Variants in DCDC1 observed in about 807,000 individuals in gnomAD.
The protein encoded by DCDC1 is doublecortin domain containing 1.
DCDC1 carries 200 observed loss-of-function variants against 178.3 expected under a neutral mutation model. The observed-to-expected ratio is 1.12, with a 90% CI of 1.00 to 1.26. DCDC1 has a LOEUF of 1.26. DCDC1 is among the 50% of genes most tolerant of loss of function. The pLI is 0.00. For missense variants in DCDC1, 1,983 were observed against 1,749.2 expected (o/e 1.13, Z -2.38); for synonymous variants, 690 against 604.8 (o/e 1.14, Z -2.07).
intron 9 of DCDC1, among the ~76,000 whole-genome samples, chr11:31,142,838 C>CT (rs556879912): frequency 6.0e-5 from 9 of 150,760 alleles, no homozygotes; most frequent in South Asian, 2.1e-4. Context: ...AATAAATGGT[C>CT]TTTTTTTTTG....
chr11:31,286,985 A>G (rs1202893996), intron 7 of DCDC1, among the ~76,000 whole-genome samples: 3 of 152,082 alleles, frequency 2.0e-5, no homozygotes, highest in Non-Finnish European at 4.4e-5. Flanking sequence ...GATTAACTCC[A>G]GAGAAAAGAC....
chr11:30,991,524 T>G (rs981601598), intron 20 of DCDC1, among the ~76,000 whole-genome samples: 7 of 152,102 alleles, frequency 4.6e-5, no homozygotes, highest in Admixed American at 1.3e-4. Context: ...CAGCTCAAAT[T>G]GGGAAACTTT....
intron 10 of DCDC1, among the ~76,000 whole-genome samples, chr11:31,127,844 C>T (rs1395033519): frequency 6.6e-6 from 1 of 152,110 alleles, no homozygotes; most frequent in Non-Finnish European, 1.5e-5. Context: ...AACATTTTCA[C>T]TTCAGTAATA....
At chr11:31,102,388 C>T in intron 14 of DCDC1, 106 bp from the exon 15 acceptor site, 1 of 466,982 alleles carries the variant, frequency 2.1e-6, no homozygotes, top group South Asian at 4.4e-5. Flanking sequence ...ATGTATACTC[C>T]ATTACTAATA....
chr11:31,321,700 CA>C (rs1162879158), intron 3 of DCDC1, among the ~76,000 whole-genome samples: 1 of 152,086 alleles, frequency 6.6e-6, no homozygotes, highest in East Asian at 1.9e-4. Context: ...ACCTTTTTAC[CA>C]ATTGTGTTCA....
At chr11:30,907,803 G>C (rs12785709) in intron 29 of DCDC1, among the ~76,000 whole-genome samples, 1 of 152,116 alleles carries the variant, frequency 6.6e-6, no homozygotes, top group Non-Finnish European at 1.5e-5. Flanking sequence ...AGCTCTAATC[G>C]CCGGCTCGCC....
At chr11:31,087,888 C>G (rs1385807433) in intron 17 of DCDC1, among the ~76,000 whole-genome samples, 1 of 151,978 alleles carries the variant, frequency 6.6e-6, no homozygotes, top group Non-Finnish European at 1.5e-5. Flanking sequence ...GATTTTTTCA[C>G]TTGTTCTGTT....
chr11:31,098,209 A>G (rs1003921333), intron 15 of DCDC1, among the ~76,000 whole-genome samples: 3 of 152,230 alleles, frequency 2.0e-5, no homozygotes, highest in Admixed American at 1.3e-4. Context: ...CTCATGAAAT[A>G]TCTCATTTGA....
intron 9 of DCDC1, among the ~76,000 whole-genome samples, chr11:31,159,824 C>A (rs1246509228): frequency 6.6e-6 from 1 of 152,148 alleles, no homozygotes; most frequent in Admixed American, 6.5e-5. Flanking sequence ...GTGGCATGAT[C>A]CTGTGTAAGA....
At chr11:31,260,592 C>G (rs1392836395) in intron 8 of DCDC1, among the ~76,000 whole-genome samples, 1 of 152,124 alleles carries the variant, frequency 6.6e-6, no homozygotes, top group Non-Finnish European at 1.5e-5. Flanking sequence ...ATTTCAGAAC[C>G]ACTAGGGTAA....
At position 31,133,520 on chromosome 11, in the gene DCDC1, G is replaced by C. The variant is rs913991911; in HGVS notation, c.1314+4172C>G. 1.3e-5 allele frequency among the ~76,000 whole-genome samples: 2 copies of C among 152,268 alleles called. 1 individual carries two copies. ...AATAATACAATGTTTTAAGCGGTAAGAAGGAAACAGAACCCTAATTTGTTG... is the reference window on the plus strand; with the variant it reads ...AATAATACAATGTTTTAAGCGGTAACAAGGAAACAGAACCCTAATTTGTTG... On this transcript the variant is annotated intron_variant, in intron 10 of 38. Coordinates refer to ENST00000684477, the MANE Select transcript of DCDC1 (RefSeq NM_001387274.1).
At position 31,103,760 on chromosome 11, in the gene DCDC1, T is replaced by C. The variant is rs184851892; in HGVS notation, c.1761A>G (p.Leu587=). The change falls in exon 14 of 39, where the codon CTA becomes CTG. Residue 587 remains leucine, a synonymous_variant. Coordinates refer to ENST00000684477, the MANE Select transcript of DCDC1 (RefSeq NM_001387274.1). ...VSYGRAYRSP[L]NLALGLTFDR... ...CAAAGGTCAAACCCAAAGCAAGATT[T>C]AGTGGAGATCTGAAAAACGGATAAA... The C allele has an allele frequency of 7.9e-6, 6 of 761,946 alleles. No individual in the cohort carries two copies. In the East Asian group the frequency reaches 1.5e-4, roughly 19 times the overall value. The allele number at this position is 761,946 out of a possible 1,614,324, so 47.2% of individuals were successfully genotyped here. A position where few individuals can be genotyped will look rare whatever the true frequency, so the allele number is the denominator to read the frequency against.
At chr11:31,246,237 C>T (rs541566980) in intron 8 of DCDC1, among the ~76,000 whole-genome samples, 1 of 152,062 alleles carries the variant, frequency 6.6e-6, no homozygotes, top group East Asian at 1.9e-4. Flanking sequence ...ATATCCATAA[C>T]CATAATTTAC....
intron 7 of DCDC1, 68 bp from the exon 8 acceptor site, chr11:31,265,668 T>G: frequency 1.6e-6 from 1 of 615,034 alleles, no homozygotes. Context: ...TTTAAACTCT[T>G]TTCTATACTA....
intron 1 of DCDC1, among the ~76,000 whole-genome samples, chr11:31,351,546 A>G (rs950672409): frequency 1.3e-5 from 2 of 152,120 alleles, no homozygotes; most frequent in African/African-American, 4.8e-5. Flanking sequence ...CAGGCTCAGA[A>G]AAGTTTGTAA....
chr11:30,974,530 A>C (rs1260469003), intron 20 of DCDC1, among the ~76,000 whole-genome samples: 1 of 152,152 alleles, frequency 6.6e-6, no homozygotes, highest in Non-Finnish European at 1.5e-5. Context: ...AAATGGAGAC[A>C]TTACAACTAA....
intron 18 of DCDC1, among the ~76,000 whole-genome samples, chr11:31,074,550 A>T (rs1022200210): frequency 6.6e-6 from 1 of 152,128 alleles, no homozygotes; most frequent in African/African-American, 2.4e-5. Context: ...AGGATGTAGC[A>T]ACAAGGCAGA....
chr11:30,890,479 C>G (rs1943674073), intron 36 of DCDC1, among the ~76,000 whole-genome samples: 1 of 152,176 alleles, frequency 6.6e-6, no homozygotes, highest in Non-Finnish European at 1.5e-5. Flanking sequence ...TGTCTGCCAC[C>G]CTAGGTGGGT....
chr11:31,356,501 A>G, intron 1 of DCDC1, among the ~76,000 whole-genome samples: 1 of 151,960 alleles, frequency 6.6e-6, no homozygotes, highest in African/African-American at 2.4e-5. Context: ...TCCAAAATTG[A>G]CACCCTAACA....
Sources: gnomAD v4.1 joint callset for allele counts (sites outside exome capture counted in the v4.1 genomes callset) on GRCh38, gnomAD v4.1.1 for gene constraint, MANE v1.5 for transcripts, NCBI Gene and HGNC (gene_info 2026-07-23, HGNC 2026-07-21) for gene names.